The following PSMA4 variants were observed in gnomAD, a reference collection of about 807,000 sequenced individuals.
The protein encoded by PSMA4 is proteasome subunit alpha type-4.
In PSMA4, 8 loss-of-function variants were observed where a neutral mutation model predicts 37.2. That is an observed-to-expected ratio of 0.22 (90% CI 0.13 to 0.39). The LOEUF is 0.39. Ranked by LOEUF, PSMA4 falls within the 10% of genes least tolerant of loss-of-function variation. PSMA4 has a pLI of 1.00. For missense variants in PSMA4, 169 were observed against 305.1 expected (o/e 0.55, Z 3.32); for synonymous variants, 93 against 98.8 (o/e 0.94, Z 0.35).
rs747048817 is a variant in PSMA4 at position 78,549,121 on chromosome 15, G to A, written c.*177G>A. On this transcript the variant is annotated 3_prime_UTR_variant, in exon 9 of 9. Coordinates refer to ENST00000044462, the MANE Select transcript of PSMA4 (RefSeq NM_002789.6). ...TGAATACTTTATTGTAACGATGATG[G>A]TTACCCTTCATGGACGTCTTAATCT... 94 of 1,004,124 alleles carry A rather than the reference G, an allele frequency of 9.4e-5. No homozygotes were observed. The highest frequency in any genetic ancestry group is 1.2e-4 in the Non-Finnish European group (91 of 773,904). The allele number at this position is 1,004,124 out of a possible 1,614,324, so 62.2% of individuals were successfully genotyped here. A position where few individuals can be genotyped will look rare whatever the true frequency, so the allele number is the denominator to read the frequency against.
chr15:78,542,230 A>G lies in PSMA4; in HGVS notation c.46+11A>G, dbSNP rs556934047. 4.8e-5 allele frequency: 77 copies of G among 1,590,212 alleles called. No individual in the cohort carries two copies. The Admixed American group carries it at 1.4e-3, about 29-fold the overall frequency. On this transcript the variant is annotated intron_variant, in intron 3 of 8. Transcript: ENST00000044462. ...TATTTTCTCCAGAAGGTAAAATAGA[A>G]ATTGTTTAATCTGCCTCAAGTTTAA...
chr15:78,548,137 A>G (rs975148269), intron 8 of PSMA4, among the ~76,000 whole-genome samples: 1 of 152,096 alleles, frequency 6.6e-6, no homozygotes, highest in Non-Finnish European at 1.5e-5. Context: ...AGGCTGAAAC[A>G]GGAGAATCAC....
At chr15:78,542,036 A>G in intron 2 of PSMA4, 106 bp downstream of exon 2, 1 of 1,478,654 alleles carries the variant, frequency 6.8e-7, no homozygotes, top group East Asian at 2.3e-5. Flanking sequence ...AAGCAGTGAG[A>G]AGGTGCCTTT....
At chr15:78,544,335 A>G in intron 5 of PSMA4, 68 bp downstream of exon 5, 3 of 1,144,720 alleles carry the variant, frequency 2.6e-6, no homozygotes, top group East Asian at 2.6e-5. Flanking sequence ...TTTTTTTTTG[A>G]GACAGAGTCT....
intron 8 of PSMA4, 27 bp from the exon 9 acceptor site, chr15:78,548,763 C>T (rs2052600619): frequency 3.8e-6 from 6 of 1,591,766 alleles, no homozygotes; most frequent in South Asian, 1.2e-5. Context: ...GCCTGCAATA[C>T]AAATAAATGT....
At chr15:78,541,511 G>T in intron 1 of PSMA4, 1 of 235,020 alleles carries the variant, frequency 4.3e-6, no homozygotes, top group Non-Finnish European at 8.5e-6. Context: ...CATACTTTCT[G>T]CTCTGTGTGG....
In PSMA4 at chr15:78,545,511, C is replaced by T. The variant is rs1477048828; in HGVS notation, c.377-123C>T. On this transcript the variant is annotated intron_variant, in intron 6 of 8. Coordinates refer to ENST00000044462, the MANE Select transcript of PSMA4 (RefSeq NM_002789.6). Reference sequence around the variant, plus strand: ...GAGCTTATCTATGGTAGCCAGAATACAAAACAGTTTATGAATGCTTAAGTT... The same window carrying T: ...GAGCTTATCTATGGTAGCCAGAATATAAAACAGTTTATGAATGCTTAAGTT... 8.7e-6 allele frequency: 10 copies of T among 1,153,534 alleles called. No individual in the cohort carries two copies. The Admixed American group carries it at 1.8e-4, about 21-fold the overall frequency. 71.5% of individuals were successfully genotyped at this position (1,153,534 alleles called of 1,614,324 possible).
Position 78,541,713 on chromosome 15 carries a change from T to A in PSMA4, c.-23-192T>A. ...TTCCACATTATAATCTATGACTGCC[T>A]CTCTCACCTAACTGCCAGTATTAGC... On this transcript the variant is annotated intron_variant, in intron 1 of 8. Transcript: ENST00000044462. 8.7e-6 allele frequency: 5 copies of A among 577,864 alleles called. No homozygotes were observed. In the South Asian group the frequency reaches 1.0e-4, roughly 12 times the overall value. The allele number at this position is 577,864 out of a possible 1,614,324, so 35.8% of individuals were successfully genotyped here.
intron 4 of PSMA4, 162 bp from the exon 5 acceptor site, chr15:78,544,028 A>G (rs1392912017): frequency 5.4e-6 from 3 of 559,036 alleles, no homozygotes; most frequent in Non-Finnish European, 9.5e-6. Context: ...TCGAGTAAAC[A>G]TCTCCTACAA....
Position 78,545,693 on chromosome 15 carries a change from C to T in PSMA4, c.436C>T (p.Gln146Ter). The change falls in exon 7 of 9, where the codon CAG (glutamine) becomes TAG (stop). Residue 146 changes from glutamine (Q) to a stop codon, truncating the protein, a stop_gained. Transcript: ENST00000044462. LOFTEE classifies it high-confidence loss of function. ...YIGWDKHYGF[Q>*]LYQSDPSGNY... ...TGGCTGGGATAAGCACTATGGCTTT[C>T]AGCTCTATCAGAGTGACCCTAGTGG... The T allele has an allele frequency of 6.2e-7, 1 of 1,613,878 alleles. No individual in the cohort carries two copies. The highest frequency in any genetic ancestry group is 8.5e-7 in the Non-Finnish European group (1 of 1,179,766).
At position 78,551,970 on chromosome 15, in the gene PSMA4, A is replaced by C. The variant is rs1374950883; in HGVS notation, c.*3026A>C. On this transcript the variant is annotated 3_prime_UTR_variant, in exon 9 of 9. Transcript: ENST00000044462. ...ACGTATTCATCTTTTTGTTGAAATA[A>C]ATTCATACTGTGAGGAAAAGCAAAA... 2 of 152,200 alleles carry C rather than the reference A, an allele frequency of 1.3e-5. No homozygotes were observed. The highest frequency in any genetic ancestry group is 2.4e-5 in the African/African-American group (1 of 41,446). The allele number at this position is 152,200 out of a possible 1,614,324, so 9.4% of individuals were successfully genotyped here.
In PSMA4 at chr15:78,545,835, G is replaced by A. The variant is rs897202125; in HGVS notation, c.507+71G>A. The stretch of plus-strand genomic sequence containing the variant: ...ACTGCCATAATTTTGCCATGGTGAT[G>A]AATGTAAACAGTATTTTAAGATAGC... On this transcript the variant is annotated intron_variant, in intron 7 of 8. Transcript: ENST00000044462. The A allele has an allele frequency of 3.3e-6, 5 of 1,501,258 alleles. No individual in the cohort carries two copies. The African/African-American group carries it at 6.9e-5, about 21-fold the overall frequency. The allele number at this position is 1,501,258 out of a possible 1,614,324, so 93.0% of individuals were successfully genotyped here.
Position 78,544,663 on chromosome 15 carries a change from T to A in PSMA4, c.288-206T>A, listed in dbSNP as rs2052520081. ...ATTAAAGTCATTAAAAATCTTTGAA[T>A]TGAAAATTACAGATTTTTTTCAACC... is the stretch of plus-strand genomic sequence containing the variant. On this transcript the variant is annotated intron_variant, in intron 5 of 8. Transcript: ENST00000044462. The A allele has an allele frequency of 1.4e-5, 7 of 492,148 alleles. No individual in the cohort carries two copies. In the Admixed American group the frequency reaches 2.7e-4, roughly 19 times the overall value. The allele number at this position is 492,148 out of a possible 1,614,324, so 30.5% of individuals were successfully genotyped here.
Position 78,549,265 on chromosome 15 carries a change from T to C in PSMA4, c.*321T>C, listed in dbSNP as rs764920966. ...TGACAGGGCGATTACTTTTTGCACA[T>C]TGTGGCTTACAGTCCTTTCACAAAG... On this transcript the variant is annotated 3_prime_UTR_variant, in exon 9 of 9. Transcript: ENST00000044462. 4 of 182,276 alleles carry C rather than the reference T, an allele frequency of 2.2e-5. No homozygotes were observed. Among genetic ancestry groups the C allele is most frequent in the Non-Finnish European group, 4.5e-5 (4 of 89,652 alleles). The allele number at this position is 182,276 out of a possible 1,614,324, so 11.3% of individuals were successfully genotyped here.
chr15:78,548,929 A>C lies in PSMA4; in HGVS notation c.771A>C (p.Lys257Asn). 6.2e-7 allele frequency: 1 copy of C among 1,608,250 alleles called. No individual in the cohort carries two copies. The highest frequency in any genetic ancestry group is 8.5e-7 in the Non-Finnish European group (1 of 1,178,538). ...AEREKKEKEQ[K>N]EKDK ...GTGAGAAGAAAGAAAAAGAACAGAA[A>C]GAAAAGGATAAATAGAATCAGAGAT... Residue 257 changes from lysine (K) to asparagine (N), a missense_variant, in exon 9 of 9, where the codon AAA (lysine) becomes AAC (asparagine). Transcript: ENST00000044462.
intron 5 of PSMA4, chr15:78,544,542 G>A (rs960059860): frequency 7.3e-6 from 3 of 410,052 alleles, no homozygotes; most frequent in African/African-American, 4.1e-5. Flanking sequence ...CTCGTGATCC[G>A]CCTGCCTTGG....
chr15:78,548,838 T>C lies in PSMA4; in HGVS notation c.680T>C (p.Val227Ala). 6.2e-7 allele frequency: 1 copy of C among 1,611,596 alleles called. No homozygotes were observed. Among genetic ancestry groups the C allele is most frequent in the Admixed American group, 1.7e-5 (1 of 59,762 alleles). ...GAGAATGGAAAGACAGTAATCAGAG[T>C]TCTCAAACAAAAAGAAGTGGAGCAG... Reference protein sequence around the residue: ...TRENGKTVIRVLKQKEVEQLI... With the variant: ...TRENGKTVIRALKQKEVEQLI... The change falls in exon 9 of 9, where the codon GTT becomes GCT. Residue 227 changes from valine (V) to alanine (A), a missense_variant. By Grantham distance (64) the Val-to-Ala change is moderately conservative. Coordinates refer to ENST00000044462, the MANE Select transcript of PSMA4 (RefSeq NM_002789.6).
At chr15:78,543,170 A>G (rs190016237) in intron 4 of PSMA4, among the ~76,000 whole-genome samples, 2 of 152,316 alleles carry the variant, frequency 1.3e-5, no homozygotes, top group Admixed American at 1.3e-4. Context: ...AATGTTTGTT[A>G]TATTTGAGTG....
chr15:78,545,786 T>C (rs774486848), intron 7 of PSMA4, 22 bp downstream of exon 7: 2 of 1,611,848 alleles, frequency 1.2e-6, no homozygotes, highest in Admixed American at 1.7e-5. Context: ...TGTTGTGCTA[T>C]AAAATCTAGC....
Sources: gnomAD v4.1 joint callset for allele counts (sites outside exome capture counted in the v4.1 genomes callset) on GRCh38, gnomAD v4.1.1 for gene constraint, MANE v1.5 for transcripts, NCBI Gene and HGNC (gene_info 2026-07-23, HGNC 2026-07-21) for gene names.